The following TYMP variants were observed in gnomAD, a reference collection of about 807,000 sequenced individuals.
TYMP encodes gliostatin.
Under a neutral mutation model 42.3 loss-of-function variants are expected in TYMP, and 46 were observed. That is an observed-to-expected ratio of 1.09 (90% CI 0.86 to 1.39). The LOEUF (loss-of-function observed/expected upper bound fraction) is 1.39. Ranked by LOEUF, TYMP falls within the 40% of genes most tolerant of loss-of-function variation. The probability of loss-of-function intolerance (pLI) is 0.00; values close to 1 mark genes in which losing one functional copy is unlikely to be tolerated. For synonymous variants in TYMP, 363 were observed against 308.0 expected (o/e 1.18, Z -1.87); for missense variants, 837 against 677.6 (o/e 1.24, Z -2.61).
Position 50,525,883 on chromosome 22 carries a change from C to T in TYMP, c.1336G>A (p.Ala446Thr), listed in dbSNP as rs751544721. Residue 446 changes from alanine to threonine, a missense_variant, in exon 10 of 10, where the codon GCG becomes ACG. Ala to Thr is a moderately conservative substitution (Grantham distance 58, BLOSUM62 0). Transcript: ENST00000252029. The stretch of plus-strand genomic sequence containing the variant: ...GCGCGGCTCTGCGGGCCGCTGAGCG[C>T]GGGGCCGTCCCGGTGCACGCGGAGC... ...PWLRVHRDGP[A>T]LSGPQSRALQ... 1.9e-6 allele frequency: 3 copies of T among 1,579,818 alleles called. No individual in the cohort carries two copies. Among genetic ancestry groups the T allele is most frequent in the East Asian group, 2.3e-5 (1 of 42,800 alleles).
chr22:50,530,060 G>T, upstream of TYMP: 1 of 331,078 alleles, frequency 3.0e-6, no homozygotes, highest in Non-Finnish European at 5.5e-6. Context: ...GGGTGGGGCC[G>T]CCTGGAGGGC....
chr22:50,528,794 G>C lies in TYMP; in HGVS notation c.418-184C>G. On this transcript the variant is annotated intron_variant, in intron 3 of 9. Transcript: ENST00000252029. ...GTTGAGAAGTGTCAGTAGGGGAGGA[G>C]GTTGGTACCTGTCCTTGGGGAAACA... 7.6e-6 allele frequency: 5 copies of C among 654,838 alleles called. No individual in the cohort carries two copies. The Admixed American group carries it at 8.7e-5, about 11-fold the overall frequency. The allele number at this position is 654,838 out of a possible 1,614,324, so 40.6% of individuals were successfully genotyped here.
chr22:50,527,488 A>G lies in TYMP; in HGVS notation c.646+100T>C, dbSNP rs1324569028. 3 of 1,582,884 alleles carry G rather than the reference A, an allele frequency of 1.9e-6. No homozygotes were observed. In the African/African-American group the frequency reaches 4.0e-5, roughly 21 times the overall value. ...TCTTGTGATGGGGGTAGGGGGGCAC[A>G]CGGTCAGGTGACGGGTAACTCCTAA... On this transcript the variant is annotated intron_variant, in intron 5 of 9. Transcript: ENST00000252029.
rs776356925 is a variant in TYMP at position 50,529,514 on chromosome 22, C to T, written c.196G>A (p.Ala66Thr). 5.0e-6 allele frequency: 8 copies of T among 1,612,792 alleles called. No individual in the cohort carries two copies. Among genetic ancestry groups the T allele is most frequent in the East Asian group, 2.2e-5 (1 of 44,890 alleles). The stretch of plus-strand genomic sequence containing the variant: ...CACGCACCGATCTGTGCGCCCTGCG[C>T]GCTCCCATTCACCACAGCGGCCACG... ...GFVAAVVNGS[A>T]QGAQIGAMLM... Residue 66 changes from alanine to threonine, a missense_variant, in exon 2 of 10, where the codon GCG (alanine) becomes ACG (threonine). Physicochemically the swap from Ala to Thr is moderately conservative, Grantham distance 58. Transcript: ENST00000252029.
In TYMP at chr22:50,527,583, G is replaced by A. The variant is rs749412690; in HGVS notation, c.646+5C>T. Reference sequence around the variant, plus strand: ...ATGCAGAAGCAGGCCATGGAGTCAGGTCACCTGTGATGAGTGGCAGGCTGT... The same window carrying A: ...ATGCAGAAGCAGGCCATGGAGTCAGATCACCTGTGATGAGTGGCAGGCTGT... On this transcript the variant is annotated splice_donor_5th_base_variant and intron_variant, in intron 5 of 9. Transcript: ENST00000252029. The A allele has an allele frequency of 6.2e-7, 1 of 1,613,858 alleles. No individual in the cohort carries two copies. The highest frequency in any genetic ancestry group is 1.3e-5 in the African/African-American group (1 of 74,914).
At chr22:50,527,129 C>A (rs527851618) in intron 6 of TYMP, 36 bp downstream of exon 6, 8 of 1,557,978 alleles carry the variant, frequency 5.1e-6, no homozygotes, top group Non-Finnish European at 6.2e-6. Flanking sequence ...GGGCCCGCAT[C>A]AAGACGCTTG....
rs751163861 is a variant in TYMP at position 50,526,382 on chromosome 22, G to A, written c.1023C>T (p.Gly341=). ...GCGCCGCCAGCATCCGCTCGAAGCGGCCAAGGGCCGAGCCGTCGTCCAGCG... is the reference window on the plus strand; with the variant it reads ...GCGCCGCCAGCATCCGCTCGAAGCGACCAAGGGCCGAGCCGTCGTCCAGCG... ...AAALDDGSAL[G]RFERMLAAQG... Residue 341 remains glycine, a synonymous_variant, in exon 8 of 10, where the codon GGC becomes GGT. Coordinates refer to ENST00000252029, the MANE Select transcript of TYMP (RefSeq NM_001953.5). The A allele has an allele frequency of 1.4e-5, 21 of 1,528,350 alleles. No individual in the cohort carries two copies. Among genetic ancestry groups the A allele is most frequent in the Non-Finnish European group, 1.7e-5 (20 of 1,148,700 alleles). 94.7% of individuals were successfully genotyped at this position (1,528,350 alleles called of 1,614,324 possible). A position where few individuals can be genotyped will look rare whatever the true frequency, so the allele number is the denominator to read the frequency against.
rs758487539 is a variant in TYMP at position 50,529,728 on chromosome 22, A to T, written c.-10-9T>A. 1 of 1,600,214 alleles carries T rather than the reference A, an allele frequency of 6.2e-7. No homozygotes were observed. The highest frequency in any genetic ancestry group is 8.5e-7 in the Non-Finnish European group (1 of 1,174,260). On this transcript the variant is annotated splice_polypyrimidine_tract_variant and intron_variant, in intron 1 of 9. Coordinates refer to ENST00000252029, the MANE Select transcript of TYMP (RefSeq NM_001953.5). The stretch of plus-strand genomic sequence containing the variant: ...CTGCCATCGCTCCGGGCCTGCGGGG[A>T]TGCCTGACACGTCCGGGGTCTGCGG...
In TYMP at chr22:50,527,653, G is replaced by C; in HGVS notation, c.581C>G (p.Ala194Gly). 1 of 1,613,912 alleles carries C rather than the reference G, an allele frequency of 6.2e-7. No homozygotes were observed. The highest frequency in any genetic ancestry group is 8.5e-7 in the Non-Finnish European group (1 of 1,180,030). The change falls in exon 5 of 10, where the codon GCG becomes GGG. Residue 194 changes from alanine (A) to glycine (G), a missense_variant. By Grantham distance (60) the Ala-to-Gly change is moderately conservative. Transcript: ENST00000252029. ...IVGQSEQLVP[A>G]DGILYAARDV... is the part of the protein sequence containing the mutation. ...TCTGGCTGCATATAGGATTCCGTCC[G>C]CAGGAACCAGCTGCTCACTCTGACC...
Position 50,529,724 on chromosome 22 carries a change from G to T in TYMP, c.-10-5C>A. The T allele has an allele frequency of 6.2e-7, 1 of 1,602,440 alleles. No homozygotes were observed. The highest frequency in any genetic ancestry group is 2.2e-5 in the East Asian group (1 of 44,456). ...AAGGCTGCCATCGCTCCGGGCCTGC[G>T]GGGATGCCTGACACGTCCGGGGTCT... is the stretch of plus-strand genomic sequence containing the variant. On this transcript the variant is annotated splice_polypyrimidine_tract_variant and splice_region_variant and intron_variant, in intron 1 of 9. Transcript: ENST00000252029.
chr22:50,530,032 C>T (rs2069535411), upstream of TYMP: 1 of 336,384 alleles, frequency 3.0e-6, no homozygotes. Context: ...GGGGCGGCGG[C>T]GCCCCAGGAC....
intron 6 of TYMP, 71 bp from the exon 7 acceptor site, chr22:50,526,809 A>G: frequency 6.8e-7 from 1 of 1,478,854 alleles, no homozygotes; most frequent in Admixed American, 2.0e-5. Context: ...GTCGAACTCC[A>G]GCCCCTGCTG....
At position 50,529,684 on chromosome 22, in the gene TYMP, G is replaced by C. The variant is rs2069521736; in HGVS notation, c.26C>G (p.Thr9Ser). Reference sequence around the variant, plus strand: ...GTCACCAGGCGCGGGTGGGGCCCCGGTTCCCGGGGTCATCAAGGCTGCCAT... The same window carrying C: ...GTCACCAGGCGCGGGTGGGGCCCCGCTTCCCGGGGTCATCAAGGCTGCCAT... MAALMTPG[T>S]GAPPAPGDFS... Residue 9 changes from threonine to serine, a missense_variant, in exon 2 of 10, where the codon ACC becomes AGC. By Grantham distance (58) the Thr-to-Ser change is moderately conservative. Transcript: ENST00000252029. The C allele has an allele frequency of 1.2e-6, 2 of 1,611,326 alleles. No homozygotes were observed. Among genetic ancestry groups the C allele is most frequent in the Non-Finnish European group, 1.7e-6 (2 of 1,179,416 alleles).
chr22:50,526,816 G>A lies in TYMP; in HGVS notation c.766-78C>T, dbSNP rs1423959998. On this transcript the variant is annotated intron_variant, in intron 6 of 9. Transcript: ENST00000252029. ...GGTTCTTGGTCGAACTCCAGCCCCT[G>A]CTGCACCCTGGGTTGCCAGCCCCCC... 4.1e-6 allele frequency: 6 copies of A among 1,446,334 alleles called. No homozygotes were observed. In the East Asian group the frequency reaches 1.2e-4, roughly 30 times the overall value. The allele number at this position is 1,446,334 out of a possible 1,614,324, so 89.6% of individuals were successfully genotyped here. A position where few individuals can be genotyped will look rare whatever the true frequency, so the allele number is the denominator to read the frequency against.
chr22:50,528,790 A>G, intron 3 of TYMP, 180 bp from the exon 4 acceptor site: 1 of 660,168 alleles, frequency 1.5e-6, no homozygotes, highest in South Asian at 1.7e-5. Context: ...TCAGTAGGGG[A>G]GGAGGTTGGT....
rs1285768890 is a variant in TYMP at position 50,526,137 on chromosome 22, G to T, written c.1164C>A (p.Thr388=). The T allele has an allele frequency of 1.3e-6, 2 of 1,484,526 alleles. No individual in the cohort carries two copies. The highest frequency in any genetic ancestry group is 2.8e-5 in the East Asian group (1 of 35,734). 92.0% of individuals were successfully genotyped at this position (1,484,526 alleles called of 1,614,324 possible). ...GCGGCAGCGCCCGGACCAGCTCCACGGTGCCTGCGGGGAGAGGGGCTGAGA... is the reference window on the plus strand; with the variant it reads ...GCGGCAGCGCCCGGACCAGCTCCACTGTGCCTGCGGGGAGAGGGGCTGAGA... ...QEELLAPADG[T]VELVRALPLA... The change falls in exon 9 of 10, where the codon ACC becomes ACA. Residue 388 remains threonine (T), a synonymous_variant. Coordinates refer to ENST00000252029, the MANE Select transcript of TYMP (RefSeq NM_001953.5).
In TYMP at chr22:50,528,584, C is replaced by G; in HGVS notation, c.444G>C (p.Leu148=). Residue 148 remains leucine, a synonymous_variant, in exon 4 of 10, where the codon CTG becomes CTC. Transcript: ENST00000252029. ...CKVPMISGRG[L]GHTGGTLDKL... ...TATCCAAGGTGCCTCCTGTGTGCCC[C>G]AGACCACGTCCGCTGATCATTGGCA... The G allele has an allele frequency of 1.2e-6, 2 of 1,613,888 alleles. No individual in the cohort carries two copies. The highest frequency in any genetic ancestry group is 1.6e-4 in the Middle Eastern group (1 of 6,062).
intron 4 of TYMP, chr22:50,527,938 CTT>C: frequency 1.9e-6 from 1 of 533,886 alleles, no homozygotes. Flanking sequence ...CCACACGCGG[CTT>C]TTTTTTTTCT....
rs776328621 is a variant in TYMP at position 50,527,158 on chromosome 22, C to T, written c.765+7G>A. On this transcript the variant is annotated splice_region_variant and intron_variant, in intron 6 of 9. Transcript: ENST00000252029. Reference sequence around the variant, plus strand: ...ACGCTTGCCCAGGGAAAGGCCACACCGCTCACCAGCGTCTTTGCCAGCTCC... The same window carrying T: ...ACGCTTGCCCAGGGAAAGGCCACACTGCTCACCAGCGTCTTTGCCAGCTCC... The T allele has an allele frequency of 2.5e-6, 4 of 1,610,090 alleles. No individual in the cohort carries two copies. Among genetic ancestry groups the T allele is most frequent in the Admixed American group, 1.7e-5 (1 of 60,000 alleles).
Sources: gnomAD v4.1 joint callset for allele counts on GRCh38, gnomAD v4.1.1 for gene constraint, MANE v1.5 for transcripts, NCBI Gene and HGNC (gene_info 2026-07-23, HGNC 2026-07-21) for gene names.